The following SLC35F4 variants were observed in gnomAD, a reference collection of about 807,000 sequenced individuals.
SLC35F4 encodes chromosome 14 open reading frame 36.
Under a neutral mutation model 44.2 loss-of-function variants are expected in SLC35F4, and 24 were observed. That is an observed-to-expected ratio of 0.54 (90% CI 0.39 to 0.76). The LOEUF (loss-of-function observed/expected upper bound fraction) is 0.76. Among genes scored for constraint, SLC35F4 ranks in the 30% least tolerant of loss-of-function variants. The pLI, the probability that SLC35F4 is intolerant of heterozygous loss-of-function variation, is 0.00. For missense variants in SLC35F4, 562 were observed against 586.1 expected, an observed-to-expected ratio of 0.96 and a Z score of 0.42; for synonymous variants, 238 against 223.6, an observed-to-expected ratio of 1.06 and a Z score of -0.57.
intron 1 of SLC35F4, among the ~76,000 whole-genome samples, chr14:57,766,609 G>A (rs1280566938): frequency 6.6e-6 from 1 of 152,186 alleles, no homozygotes; most frequent in Non-Finnish European, 1.5e-5. Context: ...TGACAGTCAG[G>A]TGCCTGAGGC....
chr14:57,745,098 A>G (rs1939276558), intron 1 of SLC35F4, among the ~76,000 whole-genome samples: 3 of 152,248 alleles, frequency 2.0e-5, no homozygotes. Flanking sequence ...TGGATTAAAG[A>G]CTTAAATGTT....
In SLC35F4 at chr14:57,650,696, C is replaced by T. The variant is rs115577795; in HGVS notation, c.104-56572G>A. Reference sequence around the variant, plus strand: ...CATTCTCCTGCTTAGATCCTTTCAACGGCCTTTGCTGCACTTAAATCCAGA... The same window carrying T: ...CATTCTCCTGCTTAGATCCTTTCAATGGCCTTTGCTGCACTTAAATCCAGA... On this transcript the variant is annotated intron_variant, in intron 1 of 7. Coordinates refer to ENST00000556826, the MANE Select transcript of SLC35F4 (RefSeq NM_001306087.2). Among the ~76,000 whole-genome samples the T allele has an allele frequency of 1.4e-3, 220 of 152,270 alleles. 1 individual carries two copies. The highest frequency in any genetic ancestry group is 6.8e-3 in the Middle Eastern group (2 of 294).
intron 1 of SLC35F4, among the ~76,000 whole-genome samples, chr14:57,957,299 G>A (rs1052546110): frequency 6.6e-6 from 1 of 152,036 alleles, no homozygotes; most frequent in East Asian, 1.9e-4. Context: ...GGGGGTAGGG[G>A]CTAGGGGAGG....
chr14:57,797,414 G>A (rs1240353879), intron 1 of SLC35F4, among the ~76,000 whole-genome samples: 1 of 152,214 alleles, frequency 6.6e-6, no homozygotes, highest in Non-Finnish European at 1.5e-5. Context: ...GGTCAAAAGG[G>A]AAAGGAACTG....
chr14:57,612,875 C>T (rs768806362), intron 1 of SLC35F4, among the ~76,000 whole-genome samples: 7 of 152,138 alleles, frequency 4.6e-5, no homozygotes, highest in Non-Finnish European at 8.8e-5. Flanking sequence ...ATGTTGGGCA[C>T]ACACTAAATA....
chr14:57,953,532 C>T (rs569675255), intron 1 of SLC35F4, among the ~76,000 whole-genome samples: 1 of 152,152 alleles, frequency 6.6e-6, no homozygotes, highest in East Asian at 1.9e-4. Context: ...TCCAGGAGAA[C>T]CATCTCATGT....
intron 1 of SLC35F4, among the ~76,000 whole-genome samples, chr14:57,726,186 C>A (rs576856719): frequency 6.6e-6 from 1 of 152,224 alleles, no homozygotes. Flanking sequence ...ATTAGGGCAT[C>A]TCTTAGTATT....
chr14:57,895,909 C>A (rs888331558), intron 1 of SLC35F4, among the ~76,000 whole-genome samples: 5 of 152,102 alleles, frequency 3.3e-5, no homozygotes, highest in Admixed American at 1.3e-4. Flanking sequence ...AATATACAAC[C>A]AATCACACTG....
rs1314959962 is a variant in SLC35F4, at chr14:57,855,528, G to A, written c.103+10195C>T. Among the ~76,000 whole-genome samples the A allele has an allele frequency of 2.0e-4, 31 of 152,204 alleles. 1 individual carries two copies. Among genetic ancestry groups the A allele is most frequent in the Admixed American group, 2.0e-3 (31 of 15,288 alleles). ...CAGTTAGAATGGCGATCATTTAAAAGTCAGGAAACAACAGGTGCTGGAGAG... is the reference window on the plus strand; with the variant it reads ...CAGTTAGAATGGCGATCATTTAAAAATCAGGAAACAACAGGTGCTGGAGAG... On this transcript the variant is annotated intron_variant, in intron 1 of 7. Coordinates refer to ENST00000556826, the MANE Select transcript of SLC35F4 (RefSeq NM_001306087.2).
intron 1 of SLC35F4, among the ~76,000 whole-genome samples, chr14:57,770,717 C>G (rs917745841): frequency 1.3e-5 from 2 of 152,122 alleles, no homozygotes; most frequent in Non-Finnish European, 2.9e-5. Flanking sequence ...AGTCAAATTT[C>G]ATATGTGCCT....
At chr14:57,622,393 C>T (rs1440435213) in intron 1 of SLC35F4, among the ~76,000 whole-genome samples, 1 of 148,362 alleles carries the variant, frequency 6.7e-6, no homozygotes, top group Non-Finnish European at 1.5e-5. Flanking sequence ...GCACTATTCA[C>T]AATAGCAAAG....
intron 7 of SLC35F4, among the ~76,000 whole-genome samples, chr14:57,565,106 C>T (rs951507951): frequency 3.9e-5 from 6 of 152,220 alleles, no homozygotes; most frequent in African/African-American, 1.4e-4. Context: ...TATTTCACTG[C>T]ATCATAATTT....
At chr14:57,921,928 C>CA (rs1288267390) in intron 1 of SLC35F4, among the ~76,000 whole-genome samples, 2 of 152,076 alleles carry the variant, frequency 1.3e-5, no homozygotes, top group Non-Finnish European at 1.5e-5. Context: ...AACCACTTTG[C>CA]AAAAAATGTT....
In SLC35F4 at chr14:57,834,985, C is replaced by T. The variant is rs1049195081; in HGVS notation, c.103+30738G>A. On this transcript the variant is annotated intron_variant, in intron 1 of 7. Coordinates refer to ENST00000556826, the MANE Select transcript of SLC35F4 (RefSeq NM_001306087.2). ...CAGAGATTGCAGTGGGCCGAGATCG[C>T]ACCACTGCACTCCAGCCTGGGTAAC... Among the ~76,000 whole-genome samples the T allele has an allele frequency of 1.1e-4, 17 of 152,290 alleles. 1 individual carries two copies. The highest frequency in any genetic ancestry group is 7.8e-4 in the Admixed American group (12 of 15,300).
rs1302236815 is a variant in SLC35F4, at chr14:57,569,918, G to C, written c.996C>G (p.Thr332=). 5.0e-6 allele frequency: 8 copies of C among 1,612,854 alleles called. No individual in the cohort carries two copies. Among genetic ancestry groups the C allele is most frequent in the Non-Finnish European group, 5.9e-6 (7 of 1,179,552 alleles). The change falls in exon 6 of 8, where the codon ACC becomes ACG. Residue 332 remains threonine, a synonymous_variant. Coordinates refer to ENST00000556826, the MANE Select transcript of SLC35F4 (RefSeq NM_001306087.2). ...TGAAGATCAAATTGAAGAAACCCAA[G>C]GTGGAGACAAAGTGTGCAGCTTCCC... is the stretch of plus-strand genomic sequence containing the variant. ...NFGEAAHFVS[T]LGFFNLIFIS... is the part of the protein sequence containing the mutation.
chr14:57,862,513 T>C (rs1430777084), intron 1 of SLC35F4, among the ~76,000 whole-genome samples: 3 of 152,212 alleles, frequency 2.0e-5, no homozygotes, highest in Non-Finnish European at 4.4e-5. Flanking sequence ...CTCAGTGACC[T>C]CATCTCCAAC....
At chr14:57,694,761 A>G (rs2075333881) in intron 1 of SLC35F4, among the ~76,000 whole-genome samples, 1 of 152,118 alleles carries the variant, frequency 6.6e-6, no homozygotes, top group Non-Finnish European at 1.5e-5. Context: ...CTTATACATA[A>G]TTTGTCAGAT....
At chr14:57,895,723 G>C (rs780619239) in intron 1 of SLC35F4, among the ~76,000 whole-genome samples, 23 of 151,748 alleles carry the variant, frequency 1.5e-4, no homozygotes, top group Admixed American at 1.2e-3. Context: ...TGTTAAGCCT[G>C]TGGAGCTATG....
chr14:57,683,608 C>A (rs1175334827), intron 1 of SLC35F4, among the ~76,000 whole-genome samples: 2 of 152,216 alleles, frequency 1.3e-5, no homozygotes, highest in African/African-American at 4.8e-5. Context: ...CCCTTTCCTG[C>A]AAATGCCTGG....
Sources: allele counts gnomAD v4.1 joint callset (sites outside exome capture counted in the v4.1 genomes callset), GRCh38; gene constraint gnomAD v4.1.1; transcripts MANE v1.5; gene names NCBI Gene and HGNC (gene_info 2026-07-23, HGNC 2026-07-21).